RSRC1: variants seen among roughly 807,000 people sequenced by gnomAD.
RSRC1 encodes arginine and serine rich coiled-coil 1.
A neutral mutation model predicts 49.1 loss-of-function variants in RSRC1; 39 were observed. The ratio of observed to expected loss-of-function variants is 0.79; its 90% confidence interval spans 0.61 to 1.04. The LOEUF (loss-of-function observed/expected upper bound fraction) is 1.04, where lower values mean the gene tolerates loss of function less well. RSRC1 is among the 50% of genes least tolerant of loss of function. The pLI is 0.00. For synonymous variants in RSRC1, 143 were observed against 130.8 expected, an observed-to-expected ratio of 1.09 and a Z score of -0.63; for missense variants, 388 against 402.4, an observed-to-expected ratio of 0.96 and a Z score of 0.31.
intron 6 of RSRC1, among the ~76,000 whole-genome samples, chr3:158,445,628 A>G (rs1193586364): frequency 6.6e-6 from 1 of 152,096 alleles, no homozygotes; most frequent in Non-Finnish European, 1.5e-5. Context: ...TGTTGTGCAC[A>G]TGTACCCTCG....
At chr3:158,182,205 T>G (rs1322307063) in intron 3 of RSRC1, among the ~76,000 whole-genome samples, 1 of 152,148 alleles carries the variant, frequency 6.6e-6, no homozygotes, top group Non-Finnish European at 1.5e-5. Context: ...GGAAGTGTGT[T>G]AAGATGATAG....
chr3:158,317,850 G>A (rs1043297067), intron 5 of RSRC1, among the ~76,000 whole-genome samples: 3 of 152,070 alleles, frequency 2.0e-5, no homozygotes, highest in Admixed American at 6.6e-5. Context: ...ATGAGCCACC[G>A]TGCCTGGCCT....
intron 4 of RSRC1, among the ~76,000 whole-genome samples, chr3:158,207,777 G>T (rs1721432760): frequency 6.6e-6 from 1 of 151,872 alleles, no homozygotes; most frequent in Non-Finnish European, 1.5e-5. Context: ...TATAAATTGG[G>T]AAAAACAAAA....
intron 6 of RSRC1, among the ~76,000 whole-genome samples, chr3:158,454,339 T>G (rs1368885954): frequency 6.6e-6 from 1 of 152,116 alleles, no homozygotes; most frequent in East Asian, 1.9e-4. Flanking sequence ...ATAGAATCAT[T>G]TTGAGAATTC....
intron 6 of RSRC1, among the ~76,000 whole-genome samples, chr3:158,402,922 T>C (rs530242326): frequency 6.6e-4 from 101 of 152,012 alleles, no homozygotes; most frequent in African/African-American, 2.3e-3. Flanking sequence ...TGAGTTGTGC[T>C]GTCCAGCAGA....
At chr3:158,301,991 GTTTT>G (rs35843326) in intron 5 of RSRC1, among the ~76,000 whole-genome samples, 49 of 142,818 alleles carry the variant, frequency 3.4e-4, no homozygotes, top group African/African-American at 1.1e-3. Flanking sequence ...GGGTTTTTTT[GTTTT>G]TTTTTTTTGT....
chr3:158,491,573 T>C (rs1052793750), intron 7 of RSRC1, among the ~76,000 whole-genome samples: 6 of 152,346 alleles, frequency 3.9e-5, no homozygotes, highest in Non-Finnish European at 8.8e-5. Flanking sequence ...TTGTATGTTT[T>C]AACTGATTGA....
intron 6 of RSRC1, among the ~76,000 whole-genome samples, chr3:158,437,813 G>A (rs1403483276): frequency 1.3e-5 from 2 of 152,092 alleles, no homozygotes; most frequent in African/African-American, 2.4e-5. Flanking sequence ...GGAAGTGCTG[G>A]CCAGGGCAAT....
intron 6 of RSRC1, among the ~76,000 whole-genome samples, chr3:158,451,549 TA>T (rs1737033002): frequency 6.6e-6 from 1 of 152,034 alleles, no homozygotes; most frequent in African/African-American, 2.4e-5. Flanking sequence ...CTCTCTATGT[TA>T]AATTACAACT....
intron 6 of RSRC1, among the ~76,000 whole-genome samples, chr3:158,432,575 C>T (rs1186377574): frequency 6.6e-6 from 1 of 151,926 alleles, no homozygotes; most frequent in East Asian, 1.9e-4. Flanking sequence ...GTCTCTTCCT[C>T]TGGAGAAGTT....
At chr3:158,218,672 T>C (rs1161278085) in intron 4 of RSRC1, among the ~76,000 whole-genome samples, 5 of 151,612 alleles carry the variant, frequency 3.3e-5, no homozygotes, top group Non-Finnish European at 7.4e-5. Context: ...CAATTCCGTT[T>C]TATTCTTAAC....
intron 7 of RSRC1, chr3:158,469,736 G>A (rs1738043216): frequency 6.6e-6 from 1 of 152,150 alleles, no homozygotes; most frequent in Admixed American, 6.5e-5. Flanking sequence ...GTAAGTGCCT[G>A]AATCAGGCTC....
intron 5 of RSRC1, among the ~76,000 whole-genome samples, chr3:158,309,121 G>A (rs533920459): frequency 2.8e-4 from 43 of 151,860 alleles, no homozygotes; most frequent in Non-Finnish European, 5.6e-4. Context: ...GAGAAATGAT[G>A]CACTGCTCCC....
intron 4 of RSRC1, among the ~76,000 whole-genome samples, chr3:158,266,666 G>A (rs1725197257): frequency 6.6e-6 from 1 of 151,962 alleles, no homozygotes. Flanking sequence ...TTGTTAAAAT[G>A]CATCTTTAGT....
intron 3 of RSRC1, among the ~76,000 whole-genome samples, chr3:158,143,408 AGATAGCAT>A (rs2108199751): frequency 6.6e-6 from 1 of 152,296 alleles, no homozygotes; most frequent in East Asian, 1.9e-4. Context: ...TTCCCCTAGG[AGATAGCAT>A]GATGTGGTTC....
intron 5 of RSRC1, among the ~76,000 whole-genome samples, chr3:158,307,166 A>G (rs947913420): frequency 6.6e-6 from 1 of 151,692 alleles, no homozygotes; most frequent in African/African-American, 2.4e-5. Context: ...ACATATGAAT[A>G]TTATTTTTAA....
At chr3:158,233,126 A>G (rs1388190054) in intron 4 of RSRC1, among the ~76,000 whole-genome samples, 1 of 152,176 alleles carries the variant, frequency 6.6e-6, no homozygotes, top group African/African-American at 2.4e-5. Flanking sequence ...GACTGTTGCA[A>G]GTGAGAAGGG....
intron 3 of RSRC1, among the ~76,000 whole-genome samples, chr3:158,196,290 G>T (rs1301194572): frequency 6.6e-5 from 10 of 151,866 alleles, no homozygotes; most frequent in Admixed American, 5.9e-4. Context: ...CTCATGATTT[G>T]GCTCTCTGTT....
chr3:158,423,919 T>C (rs1258398360), intron 6 of RSRC1, among the ~76,000 whole-genome samples: 1 of 146,098 alleles, frequency 6.8e-6, no homozygotes, highest in Non-Finnish European at 1.5e-5. Context: ...TGTACATTGA[T>C]TTTGTATCCT....
Sources: allele counts gnomAD v4.1 joint callset (sites outside exome capture counted in the v4.1 genomes callset), GRCh38; gene constraint gnomAD v4.1.1; transcripts MANE v1.5; gene names NCBI Gene and HGNC (gene_info 2026-07-23, HGNC 2026-07-21).